The following MALRD1 variants were observed in gnomAD, a reference collection of about 807,000 sequenced individuals.
MALRD1 encodes MAM and LDL-receptor class A domain-containing protein 1.
Under a neutral mutation model 242.1 loss-of-function variants are expected in MALRD1, and 247 were observed. The ratio of observed to expected loss-of-function variants is 1.02; its 90% CI spans 0.92 to 1.13. The LOEUF (loss-of-function observed/expected upper bound fraction) is 1.13. MALRD1 is among the 50% of genes most tolerant of loss of function. The pLI, the probability that MALRD1 is intolerant of heterozygous loss-of-function variation, is 0.00. For synonymous variants in MALRD1, 995 were observed against 866.6 expected (o/e 1.15, Z -2.60); for missense variants, 2,989 against 2,533.1 (o/e 1.18, Z -3.86).
At chr10:19,476,185 G>T (rs896729416) in intron 29 of MALRD1, among the ~76,000 whole-genome samples, 10 of 152,196 alleles carry the variant, frequency 6.6e-5, no homozygotes, top group African/African-American at 1.9e-4. Context: ...TCAGCAGTAG[G>T]TGTTTACGGA....
At chr10:19,279,861 T>C (rs1158103014) in intron 19 of MALRD1, among the ~76,000 whole-genome samples, 186 bp from the exon 20 acceptor site, 5 of 152,240 alleles carry the variant, frequency 3.3e-5, no homozygotes, top group African/African-American at 1.2e-4. Flanking sequence ...TGATCAAAGA[T>C]GTTTAGTTAT....
At chr10:19,315,578 T>TATTTA (rs1484830362) in intron 21 of MALRD1, among the ~76,000 whole-genome samples, 1 of 62,432 alleles carries the variant, frequency 1.6e-5, no homozygotes, top group African/African-American at 1.0e-4. Context: ...AATATATAAA[T>TATTTA]TATAAATTAT....
At position 19,352,135 on chromosome 10, in the gene MALRD1, G is replaced by A. The variant is rs894897776; in HGVS notation, c.4279G>A (p.Glu1427Lys). 11 of 1,550,508 alleles carry A rather than the reference G, an allele frequency of 7.1e-6. No individual in the cohort carries two copies. In the African/African-American group the frequency reaches 1.5e-4, roughly 21 times the overall value. ...ACAAGGCAATTTCTGGCGGAGAGAA[G>A]AACTGTCACTGTTTGGTGATGAAGA... ...VEQGNFWRRE[E>K]LSLFGDEDFQ... The change falls in exon 26 of 40, where the codon GAA (glutamate) becomes AAA (lysine). Residue 1427 changes from glutamate (E) to lysine (K), a missense_variant. Transcript: ENST00000454679.
chr10:19,295,776 C>A (rs1841665199), intron 21 of MALRD1, among the ~76,000 whole-genome samples: 1 of 152,126 alleles, frequency 6.6e-6, no homozygotes, highest in African/African-American at 2.4e-5. Context: ...GCACATTCCA[C>A]CTGTGCTGTA....
chr10:19,053,303 C>A (rs1402591210), intron 1 of MALRD1, among the ~76,000 whole-genome samples: 1 of 152,194 alleles, frequency 6.6e-6, no homozygotes, highest in Non-Finnish European at 1.5e-5. Context: ...AAGTTTTAAA[C>A]AGGGCTTTCA....
intron 31 of MALRD1, among the ~76,000 whole-genome samples, chr10:19,508,254 C>CT (rs1220496542): frequency 6.6e-6 from 1 of 151,902 alleles, no homozygotes; most frequent in Non-Finnish European, 1.5e-5. Context: ...GACAAAAAAG[C>CT]TTTTTTCAAA....
chr10:19,200,964 C>G (rs1836512457), intron 14 of MALRD1, among the ~76,000 whole-genome samples: 1 of 151,826 alleles, frequency 6.6e-6, no homozygotes, highest in African/African-American at 2.4e-5. Context: ...TGTAACAGCC[C>G]CTAGCACAAA....
At chr10:19,645,267 T>C (rs1251992873) in intron 36 of MALRD1, among the ~76,000 whole-genome samples, 1 of 152,176 alleles carries the variant, frequency 6.6e-6, no homozygotes, top group Non-Finnish European at 1.5e-5. Context: ...GGAACACTTT[T>C]ACACTGTTGG....
At chr10:19,107,325 A>G (rs1167626205) in intron 5 of MALRD1, among the ~76,000 whole-genome samples, 1 of 151,958 alleles carries the variant, frequency 6.6e-6, no homozygotes, top group Non-Finnish European at 1.5e-5. Context: ...GGGTGAATAT[A>G]TATTTACAAG....
At chr10:19,295,314 C>T (rs2131937377) in intron 21 of MALRD1, among the ~76,000 whole-genome samples, 1 of 152,176 alleles carries the variant, frequency 6.6e-6, no homozygotes, top group South Asian at 2.1e-4. Context: ...GTCTGTCTTT[C>T]TATGTGCTTG....
At chr10:19,226,138 T>TA (rs1367364441) in intron 18 of MALRD1, among the ~76,000 whole-genome samples, 1 of 152,148 alleles carries the variant, frequency 6.6e-6, no homozygotes, top group African/African-American at 2.4e-5. Flanking sequence ...TAGGAATATT[T>TA]AAAAATGATA....
chr10:19,604,948 A>G (rs1006066118), intron 34 of MALRD1, among the ~76,000 whole-genome samples: 2 of 152,102 alleles, frequency 1.3e-5, no homozygotes, highest in Non-Finnish European at 1.5e-5. Flanking sequence ...TTCATTTTTA[A>G]TAAACATTAT....
chr10:19,623,253 G>A (rs1355166069), intron 36 of MALRD1, among the ~76,000 whole-genome samples: 1 of 151,982 alleles, frequency 6.6e-6, no homozygotes, highest in African/African-American at 2.4e-5. Context: ...TATGTTGCAT[G>A]TATCAGAAAA....
intron 31 of MALRD1, among the ~76,000 whole-genome samples, chr10:19,529,354 G>A (rs558131737): frequency 2.0e-5 from 3 of 152,274 alleles, no homozygotes; most frequent in African/African-American, 7.2e-5. Flanking sequence ...TACATAAGTT[G>A]CTTATAAAAT....
At chr10:19,402,150 G>C (rs1589026453) in intron 28 of MALRD1, among the ~76,000 whole-genome samples, 1 of 152,138 alleles carries the variant, frequency 6.6e-6, no homozygotes, top group African/African-American at 2.4e-5. Context: ...GTCAGTCTCT[G>C]AGAATGCTCT....
intron 33 of MALRD1, among the ~76,000 whole-genome samples, chr10:19,587,161 A>T (rs1446350214): frequency 6.6e-6 from 1 of 152,202 alleles, no homozygotes; most frequent in Non-Finnish European, 1.5e-5. Context: ...GGTACCTCAG[A>T]TGGAAATGCA....
chr10:19,705,525 A>G (rs1415124494), intron 38 of MALRD1, among the ~76,000 whole-genome samples: 1 of 152,190 alleles, frequency 6.6e-6, no homozygotes, highest in Non-Finnish European at 1.5e-5. Flanking sequence ...TCCCTTGTGC[A>G]TGTATTGGCC....
At chr10:19,615,247 A>G (rs796419531) in intron 35 of MALRD1, among the ~76,000 whole-genome samples, 9 of 152,092 alleles carry the variant, frequency 5.9e-5, no homozygotes, top group African/African-American at 2.2e-4. Flanking sequence ...GTCTGATGCG[A>G]TGGTTCACAC....
At chr10:19,268,962 GGAA>G in intron 19 of MALRD1, among the ~76,000 whole-genome samples, 1 of 152,220 alleles carries the variant, frequency 6.6e-6, no homozygotes, top group Middle Eastern at 3.4e-3. Context: ...TCAGAGATGT[GGAA>G]GAAGATCAGA....
Sources: gnomAD v4.1 joint callset for allele counts (sites outside exome capture counted in the v4.1 genomes callset) on GRCh38, gnomAD v4.1.1 for gene constraint, MANE v1.5 for transcripts, NCBI Gene and HGNC (gene_info 2026-07-23, HGNC 2026-07-21) for gene names.